The following ABCA9 variants were observed in gnomAD, a reference collection of about 807,000 sequenced individuals.
The protein encoded by ABCA9 is ATP binding cassette subfamily A member 9, also known as ATP-binding cassette sub-family A member 9.
In ABCA9, 183 loss-of-function variants were observed where a neutral mutation model predicts 205.3. The ratio of observed to expected loss-of-function variants is 0.89; its 90% CI spans 0.79 to 1.01. The LOEUF (loss-of-function observed/expected upper bound fraction) is 1.01. ABCA9 is among the 50% of genes least tolerant of loss of function. ABCA9 has a pLI of 0.00. For missense variants in ABCA9, 1,805 were observed against 1,912.4 expected (o/e 0.94, Z 1.05); for synonymous variants, 651 against 683.3 (o/e 0.95, Z 0.74).
chr17:69,022,721 CCT>C (rs139059754), intron 17 of ABCA9, among the ~76,000 whole-genome samples: 2 of 152,012 alleles, frequency 1.3e-5, no homozygotes, highest in African/African-American at 4.8e-5. Context: ...CTTTGCACCT[CCT>C]CTCTCTGTCT....
At chr17:68,986,415 T>TCA in intron 31 of ABCA9, 91 bp from the exon 32 acceptor site, 2 of 1,283,576 alleles carry the variant, frequency 1.6e-6, no homozygotes, top group East Asian at 2.6e-5. Flanking sequence ...GCCCTTCTCT[T>TCA]CACACACACA....
chr17:69,018,354 T>G (rs1555632855), intron 20 of ABCA9, 59 bp downstream of exon 20: 2 of 1,366,022 alleles, frequency 1.5e-6, no homozygotes, highest in East Asian at 2.6e-5. Flanking sequence ...TCATGTTTTT[T>G]GGGGGGAATC....
chr17:68,995,725 T>A lies in ABCA9; in HGVS notation c.3555+170A>T, dbSNP rs539367549. Among the ~76,000 whole-genome samples, 3 of 152,226 alleles carry A rather than the reference T, an allele frequency of 2.0e-5. 1 individual carries two copies. The highest frequency in any genetic ancestry group is 2.0e-4 in the Admixed American group (3 of 15,280). On this transcript the variant is annotated intron_variant, in intron 26 of 38. Transcript: ENST00000340001. ...TCATAAACCAAAGCTGGCTTCCTAC[T>A]GAATCAGAACATGCCCCTTATCCAT...
rs562911729 is a variant in ABCA9, at chr17:69,054,810, G to A, written c.-13-3671C>T. Among the ~76,000 whole-genome samples, 53 of 152,038 alleles carry A rather than the reference G, an allele frequency of 3.5e-4. No homozygotes were observed. The East Asian group carries it at 9.8e-3, about 28-fold the overall frequency. ...TAATGATATGAGGGACAGGAGGGAG[G>A]AGGAATTGGGGTTATTTTGTTATTA... On this transcript the variant is annotated intron_variant, in intron 1 of 38. Transcript: ENST00000340001.
intron 37 of ABCA9, among the ~76,000 whole-genome samples, chr17:68,982,143 T>C (rs966793714): frequency 2.0e-5 from 3 of 152,332 alleles, no homozygotes; most frequent in Admixed American, 2.0e-4. Flanking sequence ...CAAATTCATA[T>C]GTTTCTGTTT....
intron 25 of ABCA9, among the ~76,000 whole-genome samples, chr17:68,997,549 G>T (rs1004187494): frequency 2.8e-5 from 4 of 144,766 alleles, no homozygotes; most frequent in African/African-American, 7.6e-5. Context: ...ACCCTAAGTG[G>T]TTCCTCTTTC....
In ABCA9 at chr17:69,027,004, C is replaced by A. The variant is rs1343180899; in HGVS notation, c.2022G>T (p.Gln674His). The change falls in exon 15 of 39, where the codon CAG (glutamine) becomes CAT (histidine). Residue 674 changes from glutamine (Q) to histidine (H), a missense_variant. By Grantham distance (24) the Gln-to-His change is conservative. Transcript: ENST00000340001. ...CCAGAATGTCAGCCTCATCTATAAA[C>A]TGGGTGCTGAAGAGAATTACTCTGT... ...KSDRVILFST[Q>H]FIDEADILAD... The A allele has an allele frequency of 6.2e-7, 1 of 1,613,990 alleles. No homozygotes were observed. Among genetic ancestry groups the A allele is most frequent in the African/African-American group, 1.3e-5 (1 of 74,926 alleles).
chr17:69,010,196 G>C (rs1478037682), intron 23 of ABCA9, among the ~76,000 whole-genome samples: 2 of 151,568 alleles, frequency 1.3e-5, no homozygotes, highest in Non-Finnish European at 2.9e-5. Flanking sequence ...AAAAGCAAAG[G>C]TTCAGATAAT....
intron 25 of ABCA9, among the ~76,000 whole-genome samples, chr17:68,997,845 T>A (rs2069685534): frequency 6.6e-6 from 1 of 152,154 alleles, no homozygotes; most frequent in Non-Finnish European, 1.5e-5. Flanking sequence ...ACTCTTGTTG[T>A]TGGACATTCT....
chr17:68,976,238 G>T, intron 37 of ABCA9, 48 bp from the exon 38 acceptor site: 2 of 1,548,188 alleles, frequency 1.3e-6, no homozygotes, highest in Non-Finnish European at 1.8e-6. Context: ...TTTTTTCAGT[G>T]AGTTTTACCA....
intron 6 of ABCA9, 22 bp from the exon 7 acceptor site, chr17:69,035,823 C>T (rs766238174): frequency 4.4e-5 from 71 of 1,603,888 alleles, no homozygotes; most frequent in Non-Finnish European, 5.8e-5. Flanking sequence ...ACAAAGCCGT[C>T]AGTTAGAATG....
At chr17:69,054,135 A>C (rs2071993845) in intron 1 of ABCA9, among the ~76,000 whole-genome samples, 1 of 152,200 alleles carries the variant, frequency 6.6e-6, no homozygotes, top group Admixed American at 6.5e-5. Context: ...TTTCTCAGAC[A>C]AACAAAAAAT....
At chr17:69,039,417 C>T (rs760842646) in intron 6 of ABCA9, among the ~76,000 whole-genome samples, 1 of 152,104 alleles carries the variant, frequency 6.6e-6, no homozygotes, top group Non-Finnish European at 1.5e-5. Context: ...CTATAGCCAT[C>T]TGATCTTTGA....
chr17:69,011,918 G>T, intron 23 of ABCA9, 58 bp downstream of exon 23: 1 of 1,165,954 alleles, frequency 8.6e-7, no homozygotes, highest in South Asian at 1.6e-5. Context: ...ATAGTCGTAA[G>T]GGTGTGGGAA....
Position 69,033,853 on chromosome 17 carries a change from A to G in ABCA9, c.1149T>C (p.Asp383=), listed in dbSNP as rs758423859. The G allele has an allele frequency of 4.4e-6, 7 of 1,602,712 alleles. No homozygotes were observed. The highest frequency in any genetic ancestry group is 6.0e-6 in the Non-Finnish European group (7 of 1,171,626). Residue 383 remains aspartate, a synonymous_variant, in exon 9 of 39, where the codon GAT becomes GAC. Transcript: ENST00000340001. ...GMAQLIHLDY[D]VNSNAHLDSS... is the part of the protein sequence containing the mutation. ...AATCCAAGTGGGCATTAGAATTCAC[A>G]TCATAGTCCAAATGTATAAGCTGAA...
intron 25 of ABCA9, among the ~76,000 whole-genome samples, chr17:69,006,086 CTT>C (rs947566433): frequency 2.6e-5 from 4 of 152,078 alleles, no homozygotes; most frequent in African/African-American, 9.7e-5. Context: ...AAGTCATTGT[CTT>C]TTCTTCTTAT....
chr17:69,008,162 T>C lies in ABCA9; in HGVS notation c.3221A>G (p.Asp1074Gly), dbSNP rs774378739. Residue 1074 changes from aspartate to glycine, a missense_variant, in exon 24 of 39, where the codon GAT becomes GGT. Coordinates refer to ENST00000340001, the MANE Select transcript of ABCA9 (RefSeq NM_080283.4). The part of the protein sequence containing the change: ...SAYWFGQALV[D>G]VSLYFLILLL... ...GAGGATCAAAAAGTACAGGGAAACA[T>C]CCACCAGTGCTTGGCCAAACCAGTA... is the stretch of plus-strand genomic sequence containing the variant. 1 of 1,613,906 alleles carries C rather than the reference T, an allele frequency of 6.2e-7. No homozygotes were observed. The highest frequency in any genetic ancestry group is 1.3e-5 in the African/African-American group (1 of 75,016).
At position 69,016,330 on chromosome 17, in the gene ABCA9, C is replaced by A. The variant is rs900394092; in HGVS notation, c.2962G>T (p.Asp988Tyr). 20 of 1,602,662 alleles carry A rather than the reference C, an allele frequency of 1.2e-5. No individual in the cohort carries two copies. Among genetic ancestry groups the A allele is most frequent in the Non-Finnish European group, 1.7e-5 (20 of 1,175,724 alleles). ...CCAAGTAGTCCATTGCTAATGACAT[C>A]CAGGAGGACAGGAAAGCAATTCAGC... ...KRLNCFPVLL[D>Y]VISNGLLGIF... Residue 988 changes from aspartate to tyrosine, a missense_variant, in exon 22 of 39, where the codon GAT (aspartate) becomes TAT (tyrosine). Transcript: ENST00000340001.
intron 5 of ABCA9, 57 bp from the exon 6 acceptor site, chr17:69,043,772 C>T (rs2071625425): frequency 7.2e-7 from 1 of 1,380,918 alleles, no homozygotes; most frequent in South Asian, 1.4e-5. Flanking sequence ...CAACCTTAGG[C>T]TTTTTCTCTA....
Sources: gnomAD v4.1 joint callset for allele counts (sites outside exome capture counted in the v4.1 genomes callset) on GRCh38, gnomAD v4.1.1 for gene constraint, MANE v1.5 for transcripts, NCBI Gene and HGNC (gene_info 2026-07-23, HGNC 2026-07-21) for gene names.